The following TNIK variants were observed in gnomAD, a reference collection of about 807,000 sequenced individuals.
TNIK encodes TRAF2 and NCK interacting kinase, also known as TRAF2 and NCK-interacting protein kinase.
In TNIK, 49 loss-of-function variants were observed where a neutral mutation model predicts 191.3. That is an observed-to-expected ratio of 0.26 (90% CI 0.20 to 0.32). The LOEUF (loss-of-function observed/expected upper bound fraction) is 0.32. Among genes scored for constraint, TNIK ranks in the 10% least tolerant of loss-of-function variants. TNIK has a pLI of 1.00. For synonymous variants in TNIK, 594 were observed against 600.9 expected (o/e 0.99, Z 0.17); for missense variants, 1,155 against 1,702.3 (o/e 0.68, Z 5.66).
At chr3:171,378,620 T>A (rs1208050269) in intron 1 of TNIK, among the ~76,000 whole-genome samples, 1 of 152,212 alleles carries the variant, frequency 6.6e-6, no homozygotes, top group Non-Finnish European at 1.5e-5. Flanking sequence ...ACATCAGAGA[T>A]ATTCAATAAA....
chr3:171,101,146 G>C (rs1274990476), intron 22 of TNIK, among the ~76,000 whole-genome samples: 1 of 152,054 alleles, frequency 6.6e-6, no homozygotes, highest in Non-Finnish European at 1.5e-5. Context: ...CAATGGTCTG[G>C]TTGTCGATAT....
intron 2 of TNIK, among the ~76,000 whole-genome samples, chr3:171,364,344 T>C (rs1328074806): frequency 6.6e-6 from 1 of 151,258 alleles, no homozygotes; most frequent in African/African-American, 2.4e-5. Flanking sequence ...AAACATAAGA[T>C]CCACATCCCC....
intron 1 of TNIK, among the ~76,000 whole-genome samples, chr3:171,444,276 C>A (rs937945405): frequency 6.6e-6 from 1 of 152,144 alleles, no homozygotes; most frequent in Non-Finnish European, 1.5e-5. Context: ...CAAAGAAAGT[C>A]TGTGGGATTT....
chr3:171,394,487 A>G (rs1187727154), intron 1 of TNIK, among the ~76,000 whole-genome samples: 1 of 150,834 alleles, frequency 6.6e-6, no homozygotes, highest in Admixed American at 6.6e-5. Context: ...ATGTCCCCCA[A>G]AAGACCAAGA....
chr3:171,241,415 C>A (rs1486127758), intron 2 of TNIK, among the ~76,000 whole-genome samples: 2 of 152,090 alleles, frequency 1.3e-5, no homozygotes, highest in African/African-American at 2.4e-5. Flanking sequence ...CTCAAAAAAC[C>A]CAAGATTTTT....
rs145839911 is a variant in TNIK at position 171,377,439 on chromosome 3, C to A, written c.58-7754G>T. On this transcript the variant is annotated intron_variant, in intron 1 of 32. Transcript: ENST00000436636. Reference sequence around the variant, plus strand: ...TCCAGCCTGTCCTCACAAAGTCGGCCTTTAGAACTGGATTTGAAACATCAC... The same window carrying A: ...TCCAGCCTGTCCTCACAAAGTCGGCATTTAGAACTGGATTTGAAACATCAC... 9.5e-4 allele frequency among the ~76,000 whole-genome samples: 145 copies of A among 152,328 alleles called. 1 individual carries two copies. Among genetic ancestry groups the A allele is most frequent in the African/African-American group, 3.3e-3 (138 of 41,588 alleles).
intron 15 of TNIK, among the ~76,000 whole-genome samples, chr3:171,136,201 T>C (rs569541834): frequency 2.0e-5 from 3 of 152,316 alleles, no homozygotes; most frequent in South Asian, 2.1e-4. Flanking sequence ...AAACTCATGC[T>C]TGGGGCTGGG....
At chr3:171,190,608 G>A (rs1048293453) in intron 6 of TNIK, 89 bp downstream of exon 6, 16 of 1,003,900 alleles carry the variant, frequency 1.6e-5, no homozygotes, top group South Asian at 1.5e-4. Flanking sequence ...CCAAATCCAC[G>A]GTGACAAATT....
chr3:171,460,017 G>T lies in TNIK; in HGVS notation c.47C>A (p.Ser16Ter). 2 of 1,607,700 alleles carry T rather than the reference G, an allele frequency of 1.2e-6. No homozygotes were observed. The highest frequency in any genetic ancestry group is 1.3e-5 in the African/African-American group (1 of 74,824). ...AAACGTCCTGCTCACCCTCAGAGCC[G>T]AGAGATCTATTTCATCCAGGCTTCG... Reference protein sequence around the residue: ...PARSLDEIDLSALRDPAGIFE... With the variant: ...PARSLDEIDL The change falls in exon 1 of 33, where the codon TCG (serine) becomes TAG (stop). Residue 16 changes from serine to a stop codon, truncating the protein, a stop_gained. Transcript: ENST00000436636. LOFTEE classifies it high-confidence loss of function. The surrounding 1 kb of genome is among the most constrained non-coding windows in gnomAD (Gnocchi z 6.8).
intron 12 of TNIK, among the ~76,000 whole-genome samples, chr3:171,142,331 A>G (rs145281656): frequency 0.013 from 1,909 of 152,322 alleles, 44 homozygotes; most frequent in African/African-American, 0.043. Flanking sequence ...ATGATAGGGC[A>G]TCGATGATTT....
chr3:171,232,258 A>G (rs1031129195), intron 2 of TNIK, among the ~76,000 whole-genome samples: 2 of 152,048 alleles, frequency 1.3e-5, no homozygotes, highest in Non-Finnish European at 2.9e-5. Context: ...GCTGAGGCAG[A>G]AGGATGGCTT....
chr3:171,183,388 C>T (rs1235107339), intron 7 of TNIK, among the ~76,000 whole-genome samples: 1 of 152,210 alleles, frequency 6.6e-6, no homozygotes, highest in African/African-American at 2.4e-5. Context: ...AGCCAGCATA[C>T]TGTATCACAG....
intron 19 of TNIK, among the ~76,000 whole-genome samples, chr3:171,110,033 T>C (rs1725609316): frequency 6.6e-6 from 1 of 152,048 alleles, no homozygotes; most frequent in Non-Finnish European, 1.5e-5. Flanking sequence ...GCCTCCCGAG[T>C]AGCTGGGATT....
At chr3:171,310,569 CT>C (rs1753912408) in intron 2 of TNIK, among the ~76,000 whole-genome samples, 1 of 152,074 alleles carries the variant, frequency 6.6e-6, no homozygotes, top group African/African-American at 2.4e-5. Context: ...TACATTAAAT[CT>C]CATTTTGGCC....
intron 18 of TNIK, among the ~76,000 whole-genome samples, chr3:171,116,995 A>G (rs6444961): frequency 0.12 from 17,945 of 152,176 alleles, 3,083 homozygotes; most frequent in African/African-American, 0.38. Context: ...TGGGGTCAGG[A>G]TGACTGTGCT....
intron 2 of TNIK, among the ~76,000 whole-genome samples, chr3:171,353,301 G>A (rs1713496750): frequency 6.6e-6 from 1 of 152,172 alleles, no homozygotes; most frequent in African/African-American, 2.4e-5. Context: ...AAGGTTGTGG[G>A]TTCAACTCCA....
chr3:171,408,916 A>C (rs141881082), intron 1 of TNIK, among the ~76,000 whole-genome samples: 4 of 152,140 alleles, frequency 2.6e-5, no homozygotes, highest in Admixed American at 2.0e-4. Context: ...CTCACTCGCA[A>C]CTGCACATCA....
At chr3:171,392,078 C>T (rs1309838920) in intron 1 of TNIK, among the ~76,000 whole-genome samples, 1 of 152,162 alleles carries the variant, frequency 6.6e-6, no homozygotes, top group African/African-American at 2.4e-5. Flanking sequence ...AGAATTTTAA[C>T]AAATTGCTCA....
At chr3:171,218,527 G>GA (rs1741740077) in intron 3 of TNIK, among the ~76,000 whole-genome samples, 1 of 138,722 alleles carries the variant, frequency 7.2e-6, no homozygotes, top group Non-Finnish European at 1.6e-5. Context: ...ATTGGAATGA[G>GA]TTTTTTTTTT....
Sources: allele counts gnomAD v4.1 joint callset (sites outside exome capture counted in the v4.1 genomes callset), GRCh38; gene constraint gnomAD v4.1.1; non-coding constraint Gnocchi (gnomAD v3.1); transcripts MANE v1.5; gene names NCBI Gene and HGNC (gene_info 2026-07-23, HGNC 2026-07-21).